NMNAT2: variants seen among roughly 807,000 people sequenced by gnomAD.
The protein encoded by NMNAT2 is nicotinamide/nicotinic acid mononucleotide adenylyltransferase 2.
A neutral mutation model predicts 41.6 loss-of-function variants in NMNAT2; 11 were observed. The observed-to-expected ratio is 0.26, with a 90% confidence interval of 0.17 to 0.44. The LOEUF is 0.44. NMNAT2 is among the 20% of genes least tolerant of loss of function. The pLI, the probability that NMNAT2 is intolerant of heterozygous loss-of-function variation, is 1.00. For synonymous variants in NMNAT2, 148 were observed against 151.2 expected (o/e 0.98, Z 0.16); for missense variants, 288 against 407.7 (o/e 0.71, Z 2.53).
intron 7 of NMNAT2, among the ~76,000 whole-genome samples, chr1:183,280,782 T>C (rs1661246036): frequency 7.5e-6 from 1 of 133,344 alleles, no homozygotes; most frequent in Non-Finnish European, 1.6e-5. Flanking sequence ...TGTATTTTTT[T>C]TTTTTTTTTT....
At chr1:183,408,845 T>C (rs898858650) in intron 1 of NMNAT2, among the ~76,000 whole-genome samples, 24 of 152,242 alleles carry the variant, frequency 1.6e-4, no homozygotes, top group Non-Finnish European at 3.2e-4. Context: ...TTAATTTTAA[T>C]TTAAAACGAA....
Position 183,286,695 on chromosome 1 carries a change from G to T in NMNAT2, c.415C>A (p.Gln139Lys). Residue 139 changes from glutamine (Q) to lysine (K), a missense_variant, in exon 5 of 11, where the codon CAG becomes AAG. Physicochemically the swap from Gln to Lys is moderately conservative, Grantham distance 53 (BLOSUM62 1). Transcript: ENST00000287713. ...PQNETPQPIY[Q>K]NSNVATKPTA... ...GGCTTGGTGGCCACGTTGCTGTTCT[G>T]GTAAATGGGCTGGGGGGTCTCGTTT... The T allele has an allele frequency of 1.9e-6, 3 of 1,612,226 alleles. No individual in the cohort carries two copies.
At chr1:183,364,676 T>TTTCTTTCTTACTTTC (rs1663377713) in intron 1 of NMNAT2, among the ~76,000 whole-genome samples, 1 of 151,338 alleles carries the variant, frequency 6.6e-6, no homozygotes, top group African/African-American at 2.4e-5. Context: ...TCTTACTTTC[T>TTTCTTTCTTACTTTC]TTCTTTCTTT....
At position 183,410,083 on chromosome 1, in the gene NMNAT2, C is replaced by T. The variant is rs553984649; in HGVS notation, c.85+8100G>A. ...CAGCACTTTGGGAGGCTGAGGCAGGCGGATCACCTGAGGTCAGGAGTTCAA... is the reference window on the plus strand; with the variant it reads ...CAGCACTTTGGGAGGCTGAGGCAGGTGGATCACCTGAGGTCAGGAGTTCAA... On this transcript the variant is annotated intron_variant, in intron 1 of 10. Coordinates refer to ENST00000287713, the MANE Select transcript of NMNAT2 (RefSeq NM_015039.4). Among the ~76,000 whole-genome samples the T allele has an allele frequency of 1.2e-3, 175 of 150,466 alleles. 1 individual carries two copies. Among genetic ancestry groups the T allele is most frequent in the African/African-American group, 3.7e-3 (152 of 40,830 alleles).
In NMNAT2 at chr1:183,249,633, C is replaced by CCTGG. The variant is rs1468526853; in HGVS notation, c.*3004_*3007dup. 2.7e-5 allele frequency: 4 copies of CCTGG among 150,456 alleles called. No individual in the cohort carries two copies. Among genetic ancestry groups the CCTGG allele is most frequent in the African/African-American group, 7.4e-5 (3 of 40,408 alleles). 9.3% of individuals were successfully genotyped at this position (150,456 alleles called of 1,614,324 possible). Reference sequence around the variant, plus strand: ...CTGGGTCATGGTCACAATGTCCTGTCCTGGATTTAGTTGTGCTGTGACCTT... The same window carrying CCTGG: ...CTGGGTCATGGTCACAATGTCCTGTCCTGGCTGGATTTAGTTGTGCTGTGACCTT... On this transcript the variant is annotated 3_prime_UTR_variant, in exon 11 of 11. Transcript: ENST00000287713.
chr1:183,261,241 G>A lies in NMNAT2; in HGVS notation c.714C>T (p.Asp238=). Residue 238 remains aspartate, a synonymous_variant, in exon 9 of 11, where the codon GAC becomes GAT. Coordinates refer to ENST00000287713, the MANE Select transcript of NMNAT2 (RefSeq NM_015039.4). ...VVVPRDAADT[D]RIMNHSSILR... Reference sequence around the variant, plus strand: ...GTATTGAGGAGTGATTCATGATTCGGTCTGTGTCGGCTGCATCCCGGGGCA... The same window carrying A: ...GTATTGAGGAGTGATTCATGATTCGATCTGTGTCGGCTGCATCCCGGGGCA... 6.2e-7 allele frequency: 1 copy of A among 1,614,022 alleles called. No individual in the cohort carries two copies. Among genetic ancestry groups the A allele is most frequent in the East Asian group, 2.2e-5 (1 of 44,898 alleles).
chr1:183,290,167 C>G lies in NMNAT2; in HGVS notation c.282G>C (p.Thr94=), dbSNP rs200707722. Residue 94 remains threonine (T), a synonymous_variant, in exon 4 of 11, where the codon ACG becomes ACC. Coordinates refer to ENST00000287713, the MANE Select transcript of NMNAT2 (RefSeq NM_015039.4). ...PWECYQDTWQ[T]TCSVLEHHRD... is the part of the protein sequence containing the mutation. ...GGTGGTGTTCCAACACGCTGCAGGT[C>G]GTCTGCCAGGTGTCCTGGTAGCACT... 6.3e-7 allele frequency: 1 copy of G among 1,587,872 alleles called. No individual in the cohort carries two copies. Among genetic ancestry groups the G allele is most frequent in the South Asian group, 1.2e-5 (1 of 86,936 alleles).
chr1:183,300,259 A>G (rs1220551651), intron 1 of NMNAT2, among the ~76,000 whole-genome samples: 2 of 152,052 alleles, frequency 1.3e-5, no homozygotes, highest in Non-Finnish European at 2.9e-5. Flanking sequence ...AAAATTAGCC[A>G]GGCGTGGTGG....
intron 1 of NMNAT2, among the ~76,000 whole-genome samples, chr1:183,414,695 T>C (rs1649208514): frequency 1.3e-5 from 2 of 152,224 alleles, no homozygotes; most frequent in African/African-American, 4.8e-5. Flanking sequence ...GTTTCTATAG[T>C]TTCAAATAGG....
chr1:183,283,066 A>G (rs1661308784), intron 7 of NMNAT2: 1 of 152,236 alleles, frequency 6.6e-6, no homozygotes, highest in South Asian at 2.1e-4. Context: ...GCCCCTTGAA[A>G]TGACATCACA....
At chr1:183,352,145 G>A (rs1663072056) in intron 1 of NMNAT2, among the ~76,000 whole-genome samples, 1 of 152,108 alleles carries the variant, frequency 6.6e-6, no homozygotes, top group Non-Finnish European at 1.5e-5. Flanking sequence ...GAGCTCATCA[G>A]GGGTTTCTCT....
At chr1:183,396,804 T>C (rs1047250818) in intron 1 of NMNAT2, among the ~76,000 whole-genome samples, 3 of 152,246 alleles carry the variant, frequency 2.0e-5, no homozygotes, top group Admixed American at 1.3e-4. Context: ...TCTCCTGCTC[T>C]AAAACTTGTC....
intron 8 of NMNAT2, among the ~76,000 whole-genome samples, chr1:183,262,791 T>C (rs1455623363): frequency 6.6e-6 from 1 of 152,240 alleles, no homozygotes; most frequent in Admixed American, 6.5e-5. Flanking sequence ...TACTCCTGGG[T>C]CTACCCTGGG....
At chr1:183,375,235 AAAT>A (rs1375257009) in intron 1 of NMNAT2, among the ~76,000 whole-genome samples, 1 of 152,202 alleles carries the variant, frequency 6.6e-6, no homozygotes, top group African/African-American at 2.4e-5. Flanking sequence ...ATAAATAAAC[AAAT>A]AATAACAACC....
At chr1:183,351,662 A>G (rs1663049130) in intron 1 of NMNAT2, among the ~76,000 whole-genome samples, 1 of 152,226 alleles carries the variant, frequency 6.6e-6, no homozygotes, top group Non-Finnish European at 1.5e-5. Context: ...AACCTCTAGA[A>G]AAGTGGTGAT....
chr1:183,273,841 C>CCCTTCCTTCCTTCCTT (rs1158581494), intron 8 of NMNAT2, among the ~76,000 whole-genome samples: 1 of 79,130 alleles, frequency 1.3e-5, no homozygotes, highest in African/African-American at 6.6e-5. Context: ...CTCCCTCCCT[C>CCCTTCCTTCCTTCCTT]CCTTCCTTCC....
chr1:183,353,988 T>A (rs1663123268), intron 1 of NMNAT2, among the ~76,000 whole-genome samples: 1 of 152,158 alleles, frequency 6.6e-6, no homozygotes, highest in African/African-American at 2.4e-5. Flanking sequence ...TTGCCACAGT[T>A]CACTAAGGAT....
In NMNAT2 at chr1:183,286,793, G is replaced by GGA. The variant is rs760787989; in HGVS notation, c.322-7_322-6dup. On this transcript the variant is annotated splice_region_variant and splice_polypyrimidine_tract_variant and intron_variant, in intron 4 of 10. Transcript: ENST00000287713. ...GAGGATGCAGCCAGTCACCCTCTAG[G>GGA]GAGAGAGAGAAGAGTGTTATTAGTC... The GGA allele has an allele frequency of 6.2e-7, 1 of 1,607,716 alleles. No homozygotes were observed. The highest frequency in any genetic ancestry group is 8.5e-7 in the Non-Finnish European group (1 of 1,177,280).
rs375951293 is a variant in NMNAT2, at chr1:183,284,847, G to A, written c.449-57C>T. The A allele has an allele frequency of 1.1e-5, 16 of 1,455,176 alleles. 1 individual carries two copies. The highest frequency in any genetic ancestry group is 1.4e-5 in the Non-Finnish European group (15 of 1,035,142). The allele number at this position is 1,455,176 out of a possible 1,614,324, so 90.1% of individuals were successfully genotyped here. On this transcript the variant is annotated intron_variant, in intron 5 of 10. Transcript: ENST00000287713. ...AGTGGGAGAGAACAACTCACAACTG[G>A]CACTCATGTCGGCCCGGCATTGGGG... is the stretch of plus-strand genomic sequence containing the variant.
Sources: allele counts gnomAD v4.1 joint callset (sites outside exome capture counted in the v4.1 genomes callset), GRCh38; gene constraint gnomAD v4.1.1; transcripts MANE v1.5; gene names NCBI Gene and HGNC (gene_info 2026-07-23, HGNC 2026-07-21).